The following ABCC1 variants were observed in gnomAD, a reference collection of about 807,000 sequenced individuals.
The protein encoded by ABCC1 is multidrug resistance-associated protein 1.
In ABCC1, 83 loss-of-function variants were observed where a neutral mutation model predicts 172.9. That is an observed-to-expected ratio of 0.48 (90% CI 0.40 to 0.58). The LOEUF is 0.58. Ranked by LOEUF, ABCC1 falls within the 20% of genes least tolerant of loss-of-function variation. ABCC1 has a pLI of 0.00. For synonymous variants in ABCC1, 937 were observed against 825.2 expected, an observed-to-expected ratio of 1.14 and a Z score of -2.32; for missense variants, 1,817 against 2,002.7, an observed-to-expected ratio of 0.91 and a Z score of 1.77.
chr16:16,103,466 G>C (rs62032028), intron 20 of ABCC1, among the ~76,000 whole-genome samples: 2 of 152,108 alleles, frequency 1.3e-5, no homozygotes, highest in Non-Finnish European at 2.9e-5. Flanking sequence ...TGTAGTCCCA[G>C]CTACTCGGGA....
intron 1 of ABCC1, among the ~76,000 whole-genome samples, chr16:15,992,021 C>G (rs944587520): frequency 6.6e-6 from 1 of 152,092 alleles, no homozygotes; most frequent in Non-Finnish European, 1.5e-5. Context: ...ACAGCCGCTC[C>G]CCATCTTTTG....
At chr16:15,996,282 CA>C (rs2047054065) in intron 1 of ABCC1, among the ~76,000 whole-genome samples, 1 of 152,126 alleles carries the variant, frequency 6.6e-6, no homozygotes, top group South Asian at 2.1e-4. Context: ...TCCACCCGGC[CA>C]GCTAAGTTTT....
chr16:16,121,644 G>C (rs1284991708), intron 23 of ABCC1, among the ~76,000 whole-genome samples: 2 of 152,186 alleles, frequency 1.3e-5, no homozygotes, highest in Non-Finnish European at 2.9e-5. Flanking sequence ...TAGCTTCTTT[G>C]TGCCTTAGTC....
At chr16:16,028,145 GAA>G (rs2048438840) in intron 5 of ABCC1, among the ~76,000 whole-genome samples, 1 of 152,130 alleles carries the variant, frequency 6.6e-6, no homozygotes, top group South Asian at 2.1e-4. Flanking sequence ...GCCGTTTCCA[GAA>G]ACGGTTGGTT....
intron 1 of ABCC1, among the ~76,000 whole-genome samples, chr16:15,978,126 T>C (rs1176756537): frequency 6.6e-6 from 1 of 152,044 alleles, no homozygotes. Flanking sequence ...TCCCAGCACT[T>C]TGGGAGGCCG....
intron 26 of ABCC1, among the ~76,000 whole-genome samples, chr16:16,126,922 G>T (rs1375468137): frequency 6.6e-6 from 1 of 152,140 alleles, no homozygotes; most frequent in Non-Finnish European, 1.5e-5. Flanking sequence ...TTTATAGATG[G>T]AGAAAAAGGG....
chr16:15,984,107 A>G lies in ABCC1; in HGVS notation c.49-23709A>G, dbSNP rs571872395. On this transcript the variant is annotated intron_variant, in intron 1 of 30. Transcript: ENST00000399410. ...TCATTGTGTCATTGTTTAGAATAGCAAAAGATGAGCAGCCTCCCAAGTGGC... is the reference window on the plus strand; with the variant it reads ...TCATTGTGTCATTGTTTAGAATAGCGAAAGATGAGCAGCCTCCCAAGTGGC... Among the ~76,000 whole-genome samples, 36 of 152,298 alleles carry G rather than the reference A, an allele frequency of 2.4e-4. 1 individual carries two copies. Among genetic ancestry groups the G allele is most frequent in the African/African-American group, 6.7e-4 (28 of 41,572 alleles).
At chr16:16,058,484 T>A (rs867606732) in intron 12 of ABCC1, among the ~76,000 whole-genome samples, 1 of 152,214 alleles carries the variant, frequency 6.6e-6, no homozygotes, top group Non-Finnish European at 1.5e-5. Flanking sequence ...TCAGGTGGAA[T>A]GTCTAAGGAA....
chr16:16,139,426 A>G (rs2046044606), intron 30 of ABCC1, among the ~76,000 whole-genome samples: 1 of 152,040 alleles, frequency 6.6e-6, no homozygotes, highest in Admixed American at 6.6e-5. Flanking sequence ...AGCTTGGCCA[A>G]CACGGTGAGA....
At chr16:15,997,066 G>A (rs532494503) in intron 1 of ABCC1, among the ~76,000 whole-genome samples, 91 of 151,644 alleles carry the variant, frequency 6.0e-4, no homozygotes, top group African/African-American at 2.1e-3. Flanking sequence ...GGAGGGAGCC[G>A]GGAGCTGGGG....
intron 25 of ABCC1, among the ~76,000 whole-genome samples, chr16:16,125,414 T>C (rs1279783307): frequency 6.6e-6 from 1 of 152,104 alleles, no homozygotes; most frequent in East Asian, 1.9e-4. Flanking sequence ...TCATAACTCA[T>C]AACCTTTTAT....
intron 23 of ABCC1, among the ~76,000 whole-genome samples, chr16:16,118,079 C>T (rs1350904707): frequency 1.3e-5 from 2 of 152,160 alleles, no homozygotes; most frequent in African/African-American, 2.4e-5. Flanking sequence ...GAGCATCTTG[C>T]TAAGTGGGAG....
intron 7 of ABCC1, 130 bp downstream of exon 7, chr16:16,036,733 A>G (rs1567335357): frequency 1.0e-6 from 1 of 956,240 alleles, no homozygotes; most frequent in Non-Finnish European, 1.6e-6. Flanking sequence ...AAGATGCCTC[A>G]CTTCTCCTCC....
In ABCC1 at chr16:16,016,581, C is replaced by G; in HGVS notation, c.575C>G (p.Ser192Ter). The part of the protein sequence containing the change: ...LLIQLVLSCF[S>*]DRSPLFSETI... Reference sequence around the variant, plus strand: ...ATTCAGCTCGTCTTGTCCTGTTTCTCAGATCGCTCACCCCTGTTCTCGGAA... The same window carrying G: ...ATTCAGCTCGTCTTGTCCTGTTTCTGAGATCGCTCACCCCTGTTCTCGGAA... Residue 192 changes from serine to a stop codon, truncating the protein, a stop_gained, in exon 5 of 31, where the codon TCA (serine) becomes TGA (stop). Coordinates refer to ENST00000399410, the MANE Select transcript of ABCC1 (RefSeq NM_004996.4). LOFTEE classifies it high-confidence loss of function. 1 of 1,614,190 alleles carries G rather than the reference C, an allele frequency of 6.2e-7. No individual in the cohort carries two copies. The highest frequency in any genetic ancestry group is 8.5e-7 in the Non-Finnish European group (1 of 1,180,040).
Position 15,989,321 on chromosome 16 carries a change from C to T in ABCC1, c.49-18495C>T, listed in dbSNP as rs76364095. On this transcript the variant is annotated intron_variant, in intron 1 of 30. Transcript: ENST00000399410. ...ATGCCAGGGCGCGTCACTGCCCACGCGATGCTGGCTTCAGCCGCCTTCCTC... is the reference window on the plus strand; with the variant it reads ...ATGCCAGGGCGCGTCACTGCCCACGTGATGCTGGCTTCAGCCGCCTTCCTC... Among the ~76,000 whole-genome samples, 27 of 152,218 alleles carry T rather than the reference C, an allele frequency of 1.8e-4. No individual in the cohort carries two copies. The South Asian group carries it at 4.8e-3, about 27-fold the overall frequency.
chr16:16,059,400 G>A (rs555643736), intron 12 of ABCC1, among the ~76,000 whole-genome samples: 4 of 152,158 alleles, frequency 2.6e-5, no homozygotes, highest in Non-Finnish European at 4.4e-5. Context: ...TATGGAAATC[G>A]ATGGGTGTGG....
intron 1 of ABCC1, among the ~76,000 whole-genome samples, chr16:15,961,727 A>AT (rs2046137755): frequency 6.7e-6 from 1 of 148,660 alleles, no homozygotes; most frequent in Non-Finnish European, 1.5e-5. Context: ...TTTTCTTGCC[A>AT]TTTTAAGCCC....
intron 20 of ABCC1, among the ~76,000 whole-genome samples, chr16:16,102,970 C>T (rs527639966): frequency 5.3e-5 from 8 of 152,310 alleles, no homozygotes; most frequent in African/African-American, 1.4e-4. Context: ...TTCTGACACT[C>T]GGGCTCCCTA....
intron 1 of ABCC1, among the ~76,000 whole-genome samples, chr16:15,979,309 C>A (rs1312106415): frequency 2.7e-5 from 4 of 150,120 alleles, no homozygotes; most frequent in Admixed American, 2.0e-4. Context: ...AACAAACAAA[C>A]AAAAAAAAAA....
Sources: allele counts gnomAD v4.1 joint callset (sites outside exome capture counted in the v4.1 genomes callset), GRCh38; gene constraint gnomAD v4.1.1; transcripts MANE v1.5; gene names NCBI Gene and HGNC (gene_info 2026-07-23, HGNC 2026-07-21).